The following CRYL1 variants were observed in gnomAD, a reference collection of about 807,000 sequenced individuals.
CRYL1 encodes the protein crystallin lambda 1, also known as lambda-crystallin homolog.
A neutral mutation model predicts 36.6 loss-of-function variants in CRYL1; 29 were observed. That is an observed-to-expected ratio of 0.79 (90% CI 0.59 to 1.08). The LOEUF (loss-of-function observed/expected upper bound fraction) is 1.08, where lower values mean the gene tolerates loss of function less well. Ranked by LOEUF, CRYL1 falls within the 50% of genes least tolerant of loss-of-function variation. The probability of loss-of-function intolerance (pLI) is 0.00; values close to 1 mark genes in which losing one functional copy is unlikely to be tolerated. For missense variants in CRYL1, 411 were observed against 407.9 expected (o/e 1.01, Z -0.06); for synonymous variants, 152 against 151.5 (o/e 1.00, Z -0.02).
At chr13:20,418,231 T>C (rs1409587743) in intron 5 of CRYL1, among the ~76,000 whole-genome samples, 1 of 152,190 alleles carries the variant, frequency 6.6e-6, no homozygotes, top group East Asian at 1.9e-4. Context: ...ACTGAGTGAC[T>C]GGACGCTCTA....
chr13:20,485,429 G>A (rs1204520809), intron 3 of CRYL1, among the ~76,000 whole-genome samples: 2 of 152,164 alleles, frequency 1.3e-5, no homozygotes, highest in Non-Finnish European at 2.9e-5. Flanking sequence ...TTGGGAGGTG[G>A]AGGCAGGTGG....
intron 1 of CRYL1, among the ~76,000 whole-genome samples, chr13:20,512,832 G>A (rs114832041): frequency 0.021 from 3,266 of 152,172 alleles, 103 homozygotes; most frequent in African/African-American, 0.075. Flanking sequence ...GTTGGTGAGT[G>A]GGTGCAAACA....
chr13:20,404,997 C>T lies in CRYL1; in HGVS notation c.740-256G>A, dbSNP rs983773212. Among the ~76,000 whole-genome samples, 3 of 152,262 alleles carry T rather than the reference C, an allele frequency of 2.0e-5. 1 individual carries two copies. Among genetic ancestry groups the T allele is most frequent in the African/African-American group, 4.8e-5 (2 of 41,562 alleles). ...AAAAAGTGCTGGTCCTGGCTGGGCC[C>T]GGTAGCTCATGCCTGTAATCCCAGC... On this transcript the variant is annotated intron_variant, in intron 6 of 7. Coordinates refer to ENST00000298248, the MANE Select transcript of CRYL1 (RefSeq NM_015974.3).
intron 3 of CRYL1, among the ~76,000 whole-genome samples, chr13:20,448,522 G>T (rs1016996193): frequency 1.9e-4 from 29 of 152,116 alleles, no homozygotes; most frequent in African/African-American, 7.0e-4. Context: ...TATTCAAATT[G>T]CTGAAAACAG....
intron 3 of CRYL1, among the ~76,000 whole-genome samples, chr13:20,444,053 C>T (rs935733560): frequency 6.6e-6 from 1 of 152,198 alleles, no homozygotes; most frequent in African/African-American, 2.4e-5. Context: ...GGAGTACAAT[C>T]TTTAAAATCT....
In CRYL1 at chr13:20,406,818, A is replaced by G. The variant is rs559970636; in HGVS notation, c.740-2077T>C. ...AGCTGCTGTGGCTGCATATCCCCCCACTTGCAGGCAGGCAGGCGCCCTCAC... is the reference window on the plus strand; with the variant it reads ...AGCTGCTGTGGCTGCATATCCCCCCGCTTGCAGGCAGGCAGGCGCCCTCAC... On this transcript the variant is annotated intron_variant, in intron 6 of 7. Coordinates refer to ENST00000298248, the MANE Select transcript of CRYL1 (RefSeq NM_015974.3). Among the ~76,000 whole-genome samples the G allele has an allele frequency of 3.3e-3, 503 of 151,786 alleles. 2 individuals carry two copies. Among genetic ancestry groups the G allele is most frequent in the African/African-American group, 0.012 (494 of 41,472 alleles).
At chr13:20,522,249 C>T (rs956163661) in intron 1 of CRYL1, among the ~76,000 whole-genome samples, 3 of 152,016 alleles carry the variant, frequency 2.0e-5, no homozygotes, top group African/African-American at 7.2e-5. Flanking sequence ...ACTTGGGAGG[C>T]TGAGGCAGGA....
chr13:20,428,227 C>T (rs1208077613), intron 5 of CRYL1, among the ~76,000 whole-genome samples: 1 of 152,164 alleles, frequency 6.6e-6, no homozygotes, highest in African/African-American at 2.4e-5. Context: ...GCTCCAAAAT[C>T]TGAAACTTTT....
intron 3 of CRYL1, among the ~76,000 whole-genome samples, chr13:20,484,257 A>G (rs1177347573): frequency 3.3e-5 from 5 of 152,174 alleles, no homozygotes; most frequent in Non-Finnish European, 7.4e-5. Flanking sequence ...ACTGGCAAAA[A>G]GTCTGTGGAC....
intron 3 of CRYL1, 45 bp from the exon 4 acceptor site, chr13:20,439,799 A>C: frequency 1.3e-6 from 2 of 1,558,276 alleles, no homozygotes; most frequent in Non-Finnish European, 1.8e-6. Context: ...CACTCGACTC[A>C]GGCCCCAAGC....
At chr13:20,431,695 G>A in intron 5 of CRYL1, 3 of 1,119,850 alleles carry the variant, frequency 2.7e-6, no homozygotes, top group Non-Finnish European at 3.3e-6. Flanking sequence ...AAACAATTAG[G>A]TTCCTTCAGG....
intron 2 of CRYL1, among the ~76,000 whole-genome samples, chr13:20,507,901 G>C (rs1195341136): frequency 6.8e-6 from 1 of 147,678 alleles, no homozygotes; most frequent in Non-Finnish European, 1.5e-5. Context: ...CTGGGCAACA[G>C]AGCAAGACTT....
At chr13:20,485,941 G>A (rs954273579) in intron 3 of CRYL1, among the ~76,000 whole-genome samples, 2 of 150,724 alleles carry the variant, frequency 1.3e-5, no homozygotes, top group African/African-American at 4.9e-5. Flanking sequence ...TTTTTGAGAT[G>A]GAGTCTTACT....
rs375252951 is a variant in CRYL1, at chr13:20,425,425, G to A, written c.633+6677C>T. Among the ~76,000 whole-genome samples, 5 of 152,330 alleles carry A rather than the reference G, an allele frequency of 3.3e-5. No individual in the cohort carries two copies. The South Asian group carries it at 1.0e-3, about 32-fold the overall frequency. On this transcript the variant is annotated intron_variant, in intron 5 of 7. Transcript: ENST00000298248. The surrounding 1 kb of genome is among the most constrained non-coding windows in gnomAD (Gnocchi z 4.4). The stretch of plus-strand genomic sequence containing the variant: ...ATAGGGTCTCAGGGCACCTGCTCAC[G>A]TTGACAATGATATTAGTGAAACGGC...
intron 2 of CRYL1, among the ~76,000 whole-genome samples, chr13:20,490,875 T>C (rs921897491): frequency 1.3e-4 from 20 of 152,148 alleles, no homozygotes; most frequent in African/African-American, 4.8e-4. Flanking sequence ...TTTTTGCTTT[T>C]TGGGTTTTGT....
chr13:20,418,113 C>T (rs949258294), intron 5 of CRYL1, among the ~76,000 whole-genome samples: 1 of 152,162 alleles, frequency 6.6e-6, no homozygotes, highest in Non-Finnish European at 1.5e-5. Context: ...GCTTGCAAGG[C>T]CTTTCAATGG....
At chr13:20,501,933 T>A (rs1365676556) in intron 2 of CRYL1, among the ~76,000 whole-genome samples, 1 of 151,922 alleles carries the variant, frequency 6.6e-6, no homozygotes, top group Admixed American at 6.6e-5. Context: ...TGCAAAAGAG[T>A]CAGAAGACAG....
At chr13:20,437,731 G>A (rs1003429948) in intron 4 of CRYL1, among the ~76,000 whole-genome samples, 2 of 152,186 alleles carry the variant, frequency 1.3e-5, no homozygotes, top group African/African-American at 2.4e-5. Context: ...GTGTGAGGGA[G>A]AAGAAAGTGA....
intron 3 of CRYL1, among the ~76,000 whole-genome samples, chr13:20,485,470 C>T (rs1035461033): frequency 1.3e-5 from 2 of 151,910 alleles, no homozygotes; most frequent in Admixed American, 6.6e-5. Flanking sequence ...AGAGAGCAGC[C>T]GGGCCAACAT....
Sources: gnomAD v4.1 joint callset for allele counts (sites outside exome capture counted in the v4.1 genomes callset) on GRCh38, gnomAD v4.1.1 for gene constraint, Gnocchi (gnomAD v3.1) non-coding constraint, MANE v1.5 for transcripts, NCBI Gene and HGNC (gene_info 2026-07-23, HGNC 2026-07-21) for gene names.